LRIG1: variants seen among roughly 807,000 people sequenced by gnomAD.
LRIG1 encodes the protein leucine-rich repeats and immunoglobulin-like domains protein 1.
LRIG1 carries 48 observed loss-of-function variants against 99.2 expected under a neutral mutation model. That is an observed-to-expected ratio of 0.48 (90% CI 0.38 to 0.62). The LOEUF (loss-of-function observed/expected upper bound fraction) is 0.62. LRIG1 is among the 20% of genes least tolerant of loss of function. LRIG1 has a pLI of 0.00. For missense variants in LRIG1, 1,646 were observed against 1,434.4 expected (o/e 1.15, Z -2.38); for synonymous variants, 772 against 596.1 (o/e 1.29, Z -4.30).
In LRIG1 at chr3:66,385,987, C is replaced by T. The variant is rs755805707; in HGVS notation, c.1783G>A (p.Val595Met). 27 of 1,613,118 alleles carry T rather than the reference C, an allele frequency of 1.7e-5. No homozygotes were observed. Among genetic ancestry groups the T allele is most frequent in the African/African-American group, 8.0e-5 (6 of 74,900 alleles). ...AAAGATGGTGTTTCCATACCATTCA[C>T]GGTGAGCCTGGCCTTATGTGAATAG... Reference protein sequence around the residue: ...STYSHKARLTVNVLPSFTKTP... With the variant: ...STYSHKARLTMNVLPSFTKTP... Residue 595 changes from valine to methionine, a missense_variant, in exon 13 of 19, where the codon GTG (valine) becomes ATG (methionine). Coordinates refer to ENST00000273261, the MANE Select transcript of LRIG1 (RefSeq NM_015541.3).
rs138070085 is a variant in LRIG1 at position 66,449,435 on chromosome 3, C to A, written c.365+2124G>T. On this transcript the variant is annotated intron_variant, in intron 3 of 18. Transcript: ENST00000273261. ...AACTGAATCCAAACAGGGAGTAACTCTCTTTTTTTTCTCTCCTGCTTTACA... is the reference window on the plus strand; with the variant it reads ...AACTGAATCCAAACAGGGAGTAACTATCTTTTTTTTCTCTCCTGCTTTACA... 3.1e-3 allele frequency among the ~76,000 whole-genome samples: 474 copies of A among 152,360 alleles called. 2 individuals carry two copies. The highest frequency in any genetic ancestry group is 0.01 in the African/African-American group (425 of 41,578).
Position 66,410,278 on chromosome 3 carries a change from A to G in LRIG1, c.792-6T>C, listed in dbSNP as rs1444958425. ...GGCTGTTGTACTCCAGGTGCCTGCA[A>G]TGACAGCCATGCACAGGATGAAGAG... On this transcript the variant is annotated splice_region_variant and splice_polypyrimidine_tract_variant and intron_variant, in intron 6 of 18. Transcript: ENST00000273261. 13 of 1,599,986 alleles carry G rather than the reference A, an allele frequency of 8.1e-6. No homozygotes were observed. The highest frequency in any genetic ancestry group is 1.1e-5 in the Non-Finnish European group (13 of 1,173,462).
At chr3:66,414,858 G>A (rs565233094) in intron 5 of LRIG1, 62 bp downstream of exon 5, 6 of 1,460,252 alleles carry the variant, frequency 4.1e-6, no homozygotes, top group Middle Eastern at 2.1e-4. Context: ...GAGGTCCTTG[G>A]GGAAATCTGG....
At chr3:66,390,507 G>A (rs189397845) in intron 12 of LRIG1, among the ~76,000 whole-genome samples, 1 of 152,232 alleles carries the variant, frequency 6.6e-6, no homozygotes, top group East Asian at 1.9e-4. Flanking sequence ...TCATGGATTG[G>A]GAAGACTTAA....
intron 2 of LRIG1, among the ~76,000 whole-genome samples, chr3:66,452,050 C>T (rs1176867542): frequency 3.9e-5 from 6 of 152,174 alleles, no homozygotes; most frequent in East Asian, 1.9e-4. Context: ...CAGAGACTCA[C>T]GCCCTGGCTC....
chr3:66,434,164 G>C (rs1261388854), intron 3 of LRIG1, among the ~76,000 whole-genome samples: 2 of 152,290 alleles, frequency 1.3e-5, no homozygotes, highest in East Asian at 1.9e-4. Flanking sequence ...CAGATTGAGA[G>C]AAAGTATTTA....
chr3:66,467,418 C>T (rs1293887890), intron 1 of LRIG1, among the ~76,000 whole-genome samples: 1 of 144,642 alleles, frequency 6.9e-6, no homozygotes, highest in South Asian at 2.2e-4. Context: ...TGGCGTGCAG[C>T]GGTGCATCTC....
At chr3:66,422,932 T>C (rs1449355418) in intron 3 of LRIG1, among the ~76,000 whole-genome samples, 1 of 152,148 alleles carries the variant, frequency 6.6e-6, no homozygotes, top group African/African-American at 2.4e-5. Flanking sequence ...AAAAGAGAGT[T>C]TGTGCAGGGA....
rs1700886778 is a variant in LRIG1, at chr3:66,379,287, T to TG, written c.*975dup. 1 of 152,640 alleles carries TG rather than the reference T, an allele frequency of 6.6e-6. No individual in the cohort carries two copies. Among genetic ancestry groups the TG allele is most frequent in the African/African-American group, 2.4e-5 (1 of 41,466 alleles). 9.5% of individuals were successfully genotyped at this position (152,640 alleles called of 1,614,324 possible). On this transcript the variant is annotated 3_prime_UTR_variant, in exon 19 of 19. Transcript: ENST00000273261. ...AGGAATGGCATGGACAGGCCTGCTC[T>TG]GGGTCCTTAGTAGAAATAAGGTAGC...
chr3:66,382,265 G>A lies in LRIG1; in HGVS notation c.2617+8C>T. The A allele has an allele frequency of 6.2e-7, 1 of 1,614,118 alleles. No individual in the cohort carries two copies. The highest frequency in any genetic ancestry group is 8.5e-7 in the Non-Finnish European group (1 of 1,179,984). Reference sequence around the variant, plus strand: ...CAGAGCTCTGCTTCACAGTTACTGAGGCCTTACCATTGCTCTCAATGTGCC... The same window carrying A: ...CAGAGCTCTGCTTCACAGTTACTGAAGCCTTACCATTGCTCTCAATGTGCC... On this transcript the variant is annotated splice_region_variant and intron_variant, in intron 16 of 18. Transcript: ENST00000273261.
intron 3 of LRIG1, among the ~76,000 whole-genome samples, chr3:66,436,764 A>C (rs1703374238): frequency 6.6e-6 from 1 of 152,104 alleles, no homozygotes. Flanking sequence ...CTGCCAGGGG[A>C]ACGTGAGGAG....
chr3:66,494,227 T>G (rs180921494), intron 1 of LRIG1, among the ~76,000 whole-genome samples: 2 of 152,328 alleles, frequency 1.3e-5, no homozygotes, highest in African/African-American at 4.8e-5. Flanking sequence ...TTCTGTCTTT[T>G]TAGACATGAA....
intron 11 of LRIG1, among the ~76,000 whole-genome samples, chr3:66,397,254 T>G (rs1160668543): frequency 2.0e-5 from 3 of 152,164 alleles, no homozygotes; most frequent in Admixed American, 2.0e-4. Context: ...ATTTCCCCAG[T>G]CCCAGCCTCC....
At position 66,422,284 on chromosome 3, in the gene LRIG1, A is replaced by G. The variant is rs531570269; in HGVS notation, c.366-5018T>C. Reference sequence around the variant, plus strand: ...AAAATGGGATTTTCTTTTCTATTGCATTGTCAGGCTGCAAATTTTCCAAAC... The same window carrying G: ...AAAATGGGATTTTCTTTTCTATTGCGTTGTCAGGCTGCAAATTTTCCAAAC... On this transcript the variant is annotated intron_variant, in intron 3 of 18. Coordinates refer to ENST00000273261, the MANE Select transcript of LRIG1 (RefSeq NM_015541.3). Among the ~76,000 whole-genome samples the G allele has an allele frequency of 2.0e-5, 3 of 152,242 alleles. No homozygotes were observed. In the South Asian group the frequency reaches 6.2e-4, roughly 32 times the overall value.
chr3:66,451,806 T>C (rs919475675), intron 2 of LRIG1, among the ~76,000 whole-genome samples, 173 bp from the exon 3 acceptor site: 1 of 152,124 alleles, frequency 6.6e-6, no homozygotes, highest in African/African-American at 2.4e-5. Context: ...AGAAGTCACA[T>C]GAGATCACAA....
intron 2 of LRIG1, among the ~76,000 whole-genome samples, chr3:66,452,135 C>G (rs532630374): frequency 3.0e-4 from 45 of 152,152 alleles, no homozygotes; most frequent in Non-Finnish European, 5.4e-4. Context: ...AACAAGGGAA[C>G]TGGACTCAGA....
Position 66,500,410 on chromosome 3 carries a change from T to C in LRIG1, c.-3A>G. On this transcript the variant is annotated 5_prime_UTR_variant, in exon 1 of 19. Transcript: ENST00000273261. ...CCTCCCCGGACCGGCCGCGCCATCT[T>C]GTCTGGAGCGCGCTGCGAACTCCGG... 1.4e-6 allele frequency: 2 copies of C among 1,387,566 alleles called. No individual in the cohort carries two copies. The highest frequency in any genetic ancestry group is 9.3e-7 in the Non-Finnish European group (1 of 1,078,856). 86.0% of individuals were successfully genotyped at this position (1,387,566 alleles called of 1,614,324 possible). A position where few individuals can be genotyped will look rare whatever the true frequency, so the allele number is the denominator to read the frequency against.
chr3:66,402,996 A>C (rs1033887459), intron 9 of LRIG1, among the ~76,000 whole-genome samples: 2 of 152,178 alleles, frequency 1.3e-5, no homozygotes, highest in Non-Finnish European at 2.9e-5. Flanking sequence ...GTTTTTACAT[A>C]GCCCTGTGTA....
In LRIG1 at chr3:66,380,452, C is replaced by A. The variant is rs781333761; in HGVS notation, c.3093G>T (p.Pro1031=). The A allele has an allele frequency of 1.9e-6, 3 of 1,614,144 alleles. No homozygotes were observed. In the South Asian group the frequency reaches 3.3e-5, roughly 18 times the overall value. The change falls in exon 19 of 19, where the codon CCG becomes CCT. Residue 1031 remains proline, a synonymous_variant. Transcript: ENST00000273261. ...SSWTLARLYH[P]DSTELQPASS... ...ATGCAGGCTGTAGCTCTGTGGAGTCCGGGTGATACAACCTTGCTAAAGTCC... is the reference window on the plus strand; with the variant it reads ...ATGCAGGCTGTAGCTCTGTGGAGTCAGGGTGATACAACCTTGCTAAAGTCC...
Sources: gnomAD v4.1 joint callset for allele counts (sites outside exome capture counted in the v4.1 genomes callset) on GRCh38, gnomAD v4.1.1 for gene constraint, MANE v1.5 for transcripts, NCBI Gene and HGNC (gene_info 2026-07-23, HGNC 2026-07-21) for gene names.